The following DYNLT2B variants were observed in gnomAD, a reference collection of about 807,000 sequenced individuals.
DYNLT2B encodes the protein dynein light chain Tctex-type protein 2B.
Under a neutral mutation model 19.5 loss-of-function variants are expected in DYNLT2B, and 14 were observed. The ratio of observed to expected loss-of-function variants is 0.72; its 90% CI spans 0.47 to 1.12. The LOEUF is 1.12. Ranked by LOEUF, DYNLT2B falls within the 50% of genes most tolerant of loss-of-function variation. The pLI is 0.00. For synonymous variants in DYNLT2B, 70 were observed against 59.7 expected (o/e 1.17, Z -0.79); for missense variants, 133 against 174.7 (o/e 0.76, Z 1.35).
chr3:196,311,272 G>A (rs909041241), intron 2 of DYNLT2B, among the ~76,000 whole-genome samples: 5 of 151,878 alleles, frequency 3.3e-5, no homozygotes, highest in East Asian at 1.9e-4. Flanking sequence ...AAAATTAGCC[G>A]GGTGTGGTGG....
intron 1 of DYNLT2B, among the ~76,000 whole-genome samples, chr3:196,316,455 G>T (rs1252490536): frequency 2.6e-5 from 4 of 152,030 alleles, no homozygotes; most frequent in African/African-American, 4.8e-5. Context: ...TGCTCCATAT[G>T]AATGTTTATT....
At chr3:196,295,163 A>T (rs149185699) in intron 4 of DYNLT2B, among the ~76,000 whole-genome samples, 1 of 150,062 alleles carries the variant, frequency 6.7e-6, no homozygotes, top group African/African-American at 2.5e-5. Context: ...TAAAATAATA[A>T]CTTCAATGAA....
chr3:196,296,487 T>G (rs1726225103), intron 3 of DYNLT2B, among the ~76,000 whole-genome samples: 1 of 152,194 alleles, frequency 6.6e-6, no homozygotes, highest in African/African-American at 2.4e-5. Context: ...GAACTAGAAT[T>G]CAGTCTTCTA....
intron 2 of DYNLT2B, among the ~76,000 whole-genome samples, chr3:196,313,164 T>TAGAA (rs567713232): frequency 1.3e-3 from 203 of 152,218 alleles, no homozygotes; most frequent in African/African-American, 4.7e-3. Flanking sequence ...TATGGACATG[T>TAGAA]AGAAGTCTGT....
Position 196,316,136 on chromosome 3 carries a change from G to C in DYNLT2B, c.209C>G (p.Thr70Arg), listed in dbSNP as rs150947676. The C allele has an allele frequency of 2.5e-6, 4 of 1,613,390 alleles. No homozygotes were observed. The African/African-American group carries it at 5.3e-5, about 22-fold the overall frequency. Reference protein sequence around the residue: ...EYSPEEMPQLTKHLSENIKDK... With the variant: ...EYSPEEMPQLRKHLSENIKDK... ...TTTAATGTTTTCTGATAAATGTTTT[G>C]TAAGCTGAGGCATTTCTTCTGGAGA... Residue 70 changes from threonine (T) to arginine (R), a missense_variant, in exon 2 of 5, where the codon ACA (threonine) becomes AGA (arginine). By Grantham distance (71) the Thr-to-Arg change is moderately conservative. Coordinates refer to ENST00000325318, the MANE Select transcript of DYNLT2B (RefSeq NM_152773.5).
At chr3:196,306,756 G>A (rs1366293441) in intron 3 of DYNLT2B, among the ~76,000 whole-genome samples, 187 bp downstream of exon 3, 1 of 152,042 alleles carries the variant, frequency 6.6e-6, no homozygotes, top group Non-Finnish European at 1.5e-5. Flanking sequence ...GGCCAGGCTG[G>A]TCTTGAACTC....
chr3:196,317,143 CA>C (rs1726858785), intron 1 of DYNLT2B, among the ~76,000 whole-genome samples: 1 of 78,444 alleles, frequency 1.3e-5, no homozygotes, highest in African/African-American at 5.4e-5. Context: ...GTGAGCCTGA[CA>C]TTTTTTTTCA....
chr3:196,295,893 C>A, intron 4 of DYNLT2B, 113 bp downstream of exon 4: 1 of 880,976 alleles, frequency 1.1e-6, no homozygotes, highest in South Asian at 1.7e-5. Context: ...ATTCACAAGT[C>A]AAAGATGAAT....
intron 2 of DYNLT2B, among the ~76,000 whole-genome samples, 171 bp from the exon 3 acceptor site, chr3:196,307,183 C>A (rs1468007288): frequency 6.6e-6 from 1 of 152,136 alleles, no homozygotes; most frequent in Non-Finnish European, 1.5e-5. Context: ...TATAACTCAG[C>A]AAGTGTATAA....
In DYNLT2B at chr3:196,296,030, G is replaced by A. The variant is rs536623882; in HGVS notation, c.357C>T (p.Asn119=). 84 of 1,613,944 alleles carry A rather than the reference G, an allele frequency of 5.2e-5. No homozygotes were observed. In the South Asian group the frequency reaches 9.0e-4, roughly 17 times the overall value. Residue 119 remains asparagine (N), a synonymous_variant, in exon 4 of 5, where the codon AAC becomes AAT. Coordinates refer to ENST00000325318, the MANE Select transcript of DYNLT2B (RefSeq NM_152773.5). ...SRCFWDADTD[N]YTHDVFMNDS... ...CATTCATGAAAACATCATGAGTATA[G>A]TTGTCAGTGTCAGCATCCCAGAAAC...
rs377469506 is a variant in DYNLT2B, at chr3:196,316,890, A to AGTGTGTGTGTGTGTGTGTGTGTGTGT, written c.114-660_114-659insACACACACACACACACACACACACAC. Among the ~76,000 whole-genome samples the AGTGTGTGTGTGTGTGTGTGTGTGTGT allele has an allele frequency of 1.3e-3, 93 of 74,226 alleles. 4 individuals are homozygous for AGTGTGTGTGTGTGTGTGTGTGTGTGT. The highest frequency in any genetic ancestry group is 4.8e-3 in the African/African-American group (91 of 18,892). The allele number at this position is 74,226 out of a possible 152,430, so 48.7% of individuals were successfully genotyped here. A position where few individuals can be genotyped will look rare whatever the true frequency, so the allele number is the denominator to read the frequency against. ...GGCCCGTGAGCCTGACATTTTTTTC[A>AGTGTGTGTGTGTGTGTGTGTGTGTGT]GTGTGTGTGTGTGTGTGTTGTGTGG... On this transcript the variant is annotated intron_variant, in intron 1 of 4. Transcript: ENST00000325318.
At chr3:196,306,084 C>A (rs1234218611) in intron 3 of DYNLT2B, among the ~76,000 whole-genome samples, 1 of 151,850 alleles carries the variant, frequency 6.6e-6, no homozygotes, top group Non-Finnish European at 1.5e-5. Flanking sequence ...AATGTGTGGA[C>A]CTTGTTTGAA....
At chr3:196,294,217 G>A (rs768693085) in intron 4 of DYNLT2B, among the ~76,000 whole-genome samples, 2 of 152,112 alleles carry the variant, frequency 1.3e-5, no homozygotes, top group Non-Finnish European at 2.9e-5. Context: ...CAGGTGTGGT[G>A]GTGCATGCCT....
At chr3:196,301,669 C>T (rs546534336) in intron 3 of DYNLT2B, among the ~76,000 whole-genome samples, 2 of 151,824 alleles carry the variant, frequency 1.3e-5, no homozygotes, top group Non-Finnish European at 1.5e-5. Flanking sequence ...GCAGAGATGG[C>T]GCCACTGCAC....
rs562177586 is a variant in DYNLT2B, at chr3:196,300,365, G to A, written c.318-4296C>T. Among the ~76,000 whole-genome samples the A allele has an allele frequency of 4.0e-3, 605 of 152,276 alleles. 2 individuals are homozygous for A. Among genetic ancestry groups the A allele is most frequent in the South Asian group, 0.013 (63 of 4,828 alleles). Reference sequence around the variant, plus strand: ...CAAGATCTGAAAGTCAGCACCTGTTGGAGGTAGAGGCCTGCAGAGGCCTAA... The same window carrying A: ...CAAGATCTGAAAGTCAGCACCTGTTAGAGGTAGAGGCCTGCAGAGGCCTAA... On this transcript the variant is annotated intron_variant, in intron 3 of 4. Coordinates refer to ENST00000325318, the MANE Select transcript of DYNLT2B (RefSeq NM_152773.5).
chr3:196,311,777 C>A (rs186937321), intron 2 of DYNLT2B, among the ~76,000 whole-genome samples: 6 of 152,116 alleles, frequency 3.9e-5, no homozygotes, highest in South Asian at 2.1e-4. Context: ...TCCTTCACCC[C>A]CCAGGTTCAA....
chr3:196,301,251 T>C (rs1726345777), intron 3 of DYNLT2B, among the ~76,000 whole-genome samples: 1 of 152,208 alleles, frequency 6.6e-6, no homozygotes. Flanking sequence ...AAGTCCTTTC[T>C]GGAAGAAAAT....
intron 4 of DYNLT2B, among the ~76,000 whole-genome samples, chr3:196,291,793 C>G (rs1346509293): frequency 6.6e-6 from 1 of 152,206 alleles, no homozygotes; most frequent in African/African-American, 2.4e-5. Context: ...AATTTTCAAT[C>G]AGGAAGACTT....
chr3:196,312,298 G>A (rs1414715423), intron 2 of DYNLT2B, among the ~76,000 whole-genome samples: 7 of 152,124 alleles, frequency 4.6e-5, no homozygotes, highest in Admixed American at 1.3e-4. Context: ...GAATACAGGC[G>A]TGAGCCACCA....
Sources: gnomAD v4.1 joint callset for allele counts (sites outside exome capture counted in the v4.1 genomes callset) on GRCh38, gnomAD v4.1.1 for gene constraint, MANE v1.5 for transcripts, NCBI Gene and HGNC (gene_info 2026-07-23, HGNC 2026-07-21) for gene names.